CHODL: variants seen among roughly 807,000 people sequenced by gnomAD.
CHODL encodes the protein transmembrane protein MT75.
In CHODL, 29 loss-of-function variants were observed where a neutral mutation model predicts 34.5. The observed-to-expected ratio is 0.84, with a 90% CI of 0.63 to 1.15. The LOEUF is 1.15. Ranked by LOEUF, CHODL falls within the 50% of genes most tolerant of loss-of-function variation. The probability of loss-of-function intolerance (pLI) is 0.00; values close to 1 mark genes in which losing one functional copy is unlikely to be tolerated. For synonymous variants in CHODL, 125 were observed against 116.1 expected (o/e 1.08, Z -0.49); for missense variants, 332 against 332.5 (o/e 1.00, Z 0.01).
chr21:18,146,600 T>C (rs1480246349), intron 2 of CHODL, among the ~76,000 whole-genome samples: 1 of 152,140 alleles, frequency 6.6e-6, no homozygotes. Context: ...TCCTGAGGCC[T>C]CCCCAGCCAT....
At chr21:17,932,729 C>T (rs908566916) in intron 1 of CHODL, among the ~76,000 whole-genome samples, 1 of 152,112 alleles carries the variant, frequency 6.6e-6, no homozygotes, top group African/African-American at 2.4e-5. Flanking sequence ...TGAAGGGGTG[C>T]GTTGCCCCTC....
At chr21:18,094,170 T>A (rs772690277) in intron 2 of CHODL, among the ~76,000 whole-genome samples, 2 of 152,034 alleles carry the variant, frequency 1.3e-5, no homozygotes, top group African/African-American at 2.4e-5. Context: ...CAACAGAATA[T>A]AACAACTTTA....
chr21:17,984,862 A>C (rs1042703132), intron 1 of CHODL, among the ~76,000 whole-genome samples: 2 of 152,088 alleles, frequency 1.3e-5, no homozygotes, highest in African/African-American at 4.8e-5. Context: ...TTTCTTCACT[A>C]ATTTGAAGTA....
intron 2 of CHODL, among the ~76,000 whole-genome samples, chr21:18,182,987 A>G (rs1401783126): frequency 2.0e-5 from 3 of 152,210 alleles, no homozygotes; most frequent in Non-Finnish European, 4.4e-5. Flanking sequence ...TAAAGCCTAT[A>G]TCATACAAGG....
intron 2 of CHODL, among the ~76,000 whole-genome samples, chr21:18,072,755 A>C (rs972649359): frequency 1.3e-5 from 2 of 152,098 alleles, no homozygotes; most frequent in African/African-American, 4.8e-5. Context: ...TGGCAGATGG[A>C]TCTCCAATTG....
In CHODL at chr21:18,047,150, T is replaced by A. The variant is rs2064453796; in HGVS notation, c.-45+19179T>A. On this transcript the variant is annotated intron_variant, in intron 2 of 6. Transcript: ENST00000400127. The stretch of plus-strand genomic sequence containing the variant: ...GCTCAAAAAGCCTGAAAATCTGGAC[T>A]TATGGATGCTCTTTCTAACCCTTCT... 2.0e-5 allele frequency among the ~76,000 whole-genome samples: 3 copies of A among 151,948 alleles called. No individual in the cohort carries two copies. The South Asian group carries it at 6.2e-4, about 31-fold the overall frequency.
chr21:17,977,674 G>T (rs893184846), intron 1 of CHODL, among the ~76,000 whole-genome samples: 3 of 144,664 alleles, frequency 2.1e-5, no homozygotes, highest in African/African-American at 7.5e-5. Context: ...TTCTTAAAAA[G>T]ATAAATGGCT....
intron 2 of CHODL, among the ~76,000 whole-genome samples, chr21:18,209,483 C>T (rs8131954): frequency 0.94 from 142,948 of 152,198 alleles, 67,257 homozygotes; most frequent in East Asian, 1. Context: ...AGGCCTAGAA[C>T]TGGCAACCTC....
chr21:18,022,518 C>T (rs893158792), intron 1 of CHODL: 7 of 152,198 alleles, frequency 4.6e-5, no homozygotes, highest in African/African-American at 9.6e-5. Context: ...CTTTGAGGGG[C>T]TATTTTTTTG....
chr21:18,088,455 C>A (rs1277443906), intron 2 of CHODL, among the ~76,000 whole-genome samples: 1 of 152,146 alleles, frequency 6.6e-6, no homozygotes, highest in African/African-American at 2.4e-5. Flanking sequence ...CTGTGGGCTC[C>A]CTTTCTGGAG....
rs557401734 is a variant in CHODL, at chr21:18,083,587, G to A, written c.-45+55616G>A. 1.3e-4 allele frequency among the ~76,000 whole-genome samples: 20 copies of A among 152,320 alleles called. 1 individual carries two copies. Among genetic ancestry groups the A allele is most frequent in the South Asian group, 4.1e-4 (2 of 4,832 alleles). Reference sequence around the variant, plus strand: ...GGCTGTACACTGAAAAGCCACATGCGCAGAGCTTCCCAAGACCATGAGAAC... The same window carrying A: ...GGCTGTACACTGAAAAGCCACATGCACAGAGCTTCCCAAGACCATGAGAAC... On this transcript the variant is annotated intron_variant, in intron 2 of 6. Transcript: ENST00000400127.
In CHODL at chr21:18,245,220, C is replaced by T. The variant is rs757790097; in HGVS notation, c.-4C>T. The T allele has an allele frequency of 4.6e-6, 7 of 1,519,778 alleles. No individual in the cohort carries two copies. Among genetic ancestry groups the T allele is most frequent in the South Asian group, 2.4e-5 (2 of 82,806 alleles). The allele number at this position is 1,519,778 out of a possible 1,614,324, so 94.1% of individuals were successfully genotyped here. ...GCAACACCTGCTGCTGCCACCGCGC[C>T]GCGATGAGCCGCGTGGTCTCGCTGC... On this transcript the variant is annotated 5_prime_UTR_variant, in exon 1 of 6. Transcript: ENST00000299295.
intron 1 of CHODL, among the ~76,000 whole-genome samples, chr21:17,954,990 A>G (rs1178170907): frequency 7.5e-6 from 1 of 133,514 alleles, no homozygotes; most frequent in African/African-American, 2.5e-5. Flanking sequence ...AACTTTTACT[A>G]CCATCAACTG....
At chr21:18,077,629 A>G (rs753038376) in intron 2 of CHODL, among the ~76,000 whole-genome samples, 3 of 152,184 alleles carry the variant, frequency 2.0e-5, no homozygotes, top group Non-Finnish European at 4.4e-5. Context: ...TGCCCTTACA[A>G]TAGAGACTCC....
At chr21:17,944,998 C>T (rs923013494) in intron 1 of CHODL, among the ~76,000 whole-genome samples, 1 of 152,090 alleles carries the variant, frequency 6.6e-6, no homozygotes, top group African/African-American at 2.4e-5. Context: ...ATCACAGGGT[C>T]CGGAGATCGA....
chr21:18,266,799 TGTAAC>T lies in CHODL; in HGVS notation c.*762_*766del, dbSNP rs1198042346. 2.0e-5 allele frequency: 3 copies of T among 152,790 alleles called. No homozygotes were observed. Among genetic ancestry groups the T allele is most frequent in the African/African-American group, 7.2e-5 (3 of 41,462 alleles). 9.5% of individuals were successfully genotyped at this position (152,790 alleles called of 1,614,324 possible). ...TAAAATTAAACAGATTTTGTAATAATGTAACTTTGTTAATAGGTGCATAAACACTA... is the reference window on the plus strand; with the variant it reads ...TAAAATTAAACAGATTTTGTAATAATTTTGTTAATAGGTGCATAAACACTA... On this transcript the variant is annotated 3_prime_UTR_variant, in exon 6 of 6. Coordinates refer to ENST00000299295, the MANE Select transcript of CHODL (RefSeq NM_024944.3).
intron 2 of CHODL, among the ~76,000 whole-genome samples, chr21:18,051,506 C>T (rs2064516224): frequency 3.3e-5 from 5 of 150,190 alleles, no homozygotes. Context: ...TTTGCTGATG[C>T]TACTAGTAAA....
chr21:18,135,747 G>A (rs879620554), intron 2 of CHODL, among the ~76,000 whole-genome samples: 10 of 152,114 alleles, frequency 6.6e-5, no homozygotes, highest in Admixed American at 6.5e-4. Context: ...TGTTCCTAAT[G>A]CCAATAATAG....
At chr21:18,181,099 T>C (rs78438105) in intron 2 of CHODL, among the ~76,000 whole-genome samples, 2,852 of 152,228 alleles carry the variant, frequency 0.019, 72 homozygotes, top group African/African-American at 0.057. Flanking sequence ...ATTATTTCTT[T>C]TATTCCTATT....
Sources: allele counts gnomAD v4.1 joint callset (sites outside exome capture counted in the v4.1 genomes callset), GRCh38; gene constraint gnomAD v4.1.1; transcripts MANE v1.5; gene names NCBI Gene and HGNC (gene_info 2026-07-23, HGNC 2026-07-21).